The following RSPH1 variants were observed in gnomAD, a reference collection of about 807,000 sequenced individuals.
RSPH1 encodes the protein radial spoke head 1 homolog.
RSPH1 carries 32 observed loss-of-function variants against 44.2 expected under a neutral mutation model. That is an observed-to-expected ratio of 0.72 (90% CI 0.55 to 0.97). RSPH1 has a LOEUF of 0.97. Ranked by LOEUF, RSPH1 falls within the 50% of genes least tolerant of loss-of-function variation. The pLI is 0.00. For missense variants in RSPH1, 391 were observed against 398.7 expected (o/e 0.98, Z 0.16); for synonymous variants, 134 against 147.3 (o/e 0.91, Z 0.65).
chr21:42,472,930 C>T (rs1174378387), intron 8 of RSPH1, 60 bp from the exon 9 acceptor site: 6 of 1,231,884 alleles, frequency 4.9e-6, no homozygotes, highest in Non-Finnish European at 7.0e-6. Flanking sequence ...TTTTTAAAGC[C>T]TTTATTCACT....
intron 7 of RSPH1, 21 bp from the exon 8 acceptor site, chr21:42,476,068 G>A (rs936188292): frequency 6.8e-6 from 11 of 1,613,278 alleles, no homozygotes; most frequent in East Asian, 2.2e-5. Context: ...ACACAAGTCA[G>A]AAGCCTGAGT....
rs553649427 is a variant in RSPH1, at chr21:42,486,525, C to T, written c.275-64G>A. ...AAGGGATCGATGCCCTGTACCATGT[C>T]TTCAAATTGTTAACCATGGCAAAGG... is the stretch of plus-strand genomic sequence containing the variant. On this transcript the variant is annotated intron_variant, in intron 3 of 8. Coordinates refer to ENST00000291536, the MANE Select transcript of RSPH1 (RefSeq NM_080860.4). 15 of 1,177,046 alleles carry T rather than the reference C, an allele frequency of 1.3e-5. No individual in the cohort carries two copies. In the Admixed American group the frequency reaches 2.5e-4, roughly 20 times the overall value. 72.9% of individuals were successfully genotyped at this position (1,177,046 alleles called of 1,614,324 possible). A position where few individuals can be genotyped will look rare whatever the true frequency, so the allele number is the denominator to read the frequency against.
rs2054023988 is a variant in RSPH1, at chr21:42,474,551, C to T, written c.877+1347G>A. Among the ~76,000 whole-genome samples, 1 of 152,278 alleles carries T rather than the reference C, an allele frequency of 6.6e-6. No homozygotes were observed. The highest frequency in any genetic ancestry group is 1.5e-5 in the Non-Finnish European group (1 of 68,046). On this transcript the variant is annotated intron_variant, in intron 8 of 8. Coordinates refer to ENST00000291536, the MANE Select transcript of RSPH1 (RefSeq NM_080860.4). The surrounding 1 kb of genome is among the most constrained non-coding windows in gnomAD (Gnocchi z 5.2). The stretch of plus-strand genomic sequence containing the variant: ...GTGCTCCACAGTGACTAAGGACTGA[C>T]ATCTGTGGGCACAGCTAGATGCTGC...
At chr21:42,495,830 C>T (rs1411420713) in intron 1 of RSPH1, among the ~76,000 whole-genome samples, 1 of 152,160 alleles carries the variant, frequency 6.6e-6, no homozygotes, top group Admixed American at 6.5e-5. Flanking sequence ...GGAATTAACA[C>T]AGGGAGGAGG....
intron 3 of RSPH1, among the ~76,000 whole-genome samples, chr21:42,488,493 C>A (rs1015719991): frequency 6.6e-6 from 1 of 152,330 alleles, no homozygotes; most frequent in Non-Finnish European, 1.5e-5. Context: ...TTCTTCCCAA[C>A]AAAACTTCAT....
chr21:42,476,485 T>C (rs1365196545), intron 7 of RSPH1, among the ~76,000 whole-genome samples: 3 of 152,154 alleles, frequency 2.0e-5, no homozygotes, highest in Admixed American at 2.0e-4. Context: ...CGGAGGCCAA[T>C]CGGAGTTGGC....
chr21:42,481,810 A>G (rs2054130253), intron 6 of RSPH1, among the ~76,000 whole-genome samples: 1 of 152,214 alleles, frequency 6.6e-6, no homozygotes. Flanking sequence ...ACACATACGC[A>G]TCTCGATGCC....
chr21:42,492,727 C>T (rs780394633), intron 3 of RSPH1, 31 bp downstream of exon 3: 2 of 1,326,032 alleles, frequency 1.5e-6, no homozygotes, highest in South Asian at 1.2e-5. Context: ...ACTTCTGTAA[C>T]ACGAAAATCT....
At chr21:42,493,645 A>T (rs1427205356) in intron 1 of RSPH1, among the ~76,000 whole-genome samples, 8 of 152,210 alleles carry the variant, frequency 5.3e-5, no homozygotes, top group Admixed American at 5.2e-4. Flanking sequence ...AGGAGTACAC[A>T]GGGCTCCCTT....
chr21:42,477,515 G>C (rs1048554168), intron 6 of RSPH1, 71 bp from the exon 7 acceptor site: 2 of 1,524,608 alleles, frequency 1.3e-6, no homozygotes, highest in African/African-American at 2.7e-5. Flanking sequence ...AAAAGTGAGG[G>C]AGGAAGGACA....
intron 6 of RSPH1, among the ~76,000 whole-genome samples, chr21:42,480,460 G>C (rs1368065078): frequency 6.6e-6 from 1 of 152,016 alleles, no homozygotes; most frequent in South Asian, 2.1e-4. Context: ...GACCAATATG[G>C]AGAAACCCCG....
rs998318244 is a variant in RSPH1, at chr21:42,472,798, T to G, written c.*20A>C. The G allele has an allele frequency of 2.1e-5, 34 of 1,587,374 alleles. No homozygotes were observed. The highest frequency in any genetic ancestry group is 2.6e-5 in the Non-Finnish European group (30 of 1,157,356). Reference sequence around the variant, plus strand: ...ACAGAAGCATTCTTATGATACGATCTCCTCTCGGCTCACTTCATCTTAGTC... The same window carrying G: ...ACAGAAGCATTCTTATGATACGATCGCCTCTCGGCTCACTTCATCTTAGTC... On this transcript the variant is annotated 3_prime_UTR_variant, in exon 9 of 9. Coordinates refer to ENST00000291536, the MANE Select transcript of RSPH1 (RefSeq NM_080860.4).
chr21:42,481,605 C>A (rs1357487705), intron 6 of RSPH1, among the ~76,000 whole-genome samples: 1 of 152,176 alleles, frequency 6.6e-6, no homozygotes, highest in East Asian at 1.9e-4. Context: ...AAAAAACAAA[C>A]AAAAGCGTGA....
In RSPH1 at chr21:42,486,394, A is replaced by C; in HGVS notation, c.342T>G (p.Thr114=). Reference sequence around the variant, plus strand: ...ACCTTTGATGAGCAAACCACTCTCCAGTGTAGGTGTCATTATTGATGTAGT... The same window carrying C: ...ACCTTTGATGAGCAAACCACTCTCCCGTGTAGGTGTCATTATTGATGTAGT... ...VYYYINNDTY[T]GEWFAHQRHG... Residue 114 remains threonine, a synonymous_variant, in exon 4 of 9, where the codon ACT becomes ACG. Coordinates refer to ENST00000291536, the MANE Select transcript of RSPH1 (RefSeq NM_080860.4). The C allele has an allele frequency of 6.2e-7, 1 of 1,613,890 alleles. No individual in the cohort carries two copies. Among genetic ancestry groups the C allele is most frequent in the Non-Finnish European group, 8.5e-7 (1 of 1,179,738 alleles).
chr21:42,494,144 A>G (rs1486771948), intron 1 of RSPH1, among the ~76,000 whole-genome samples: 6 of 152,228 alleles, frequency 3.9e-5, no homozygotes, highest in African/African-American at 7.2e-5. Context: ...CACCTAATAC[A>G]TGGGTATAGA....
Position 42,474,611 on chromosome 21 carries a change from A to C in RSPH1, c.877+1287T>G, listed in dbSNP as rs989148715. 1.3e-5 allele frequency among the ~76,000 whole-genome samples: 2 copies of C among 152,176 alleles called. No homozygotes were observed. The highest frequency in any genetic ancestry group is 4.1e-4 in the South Asian group (2 of 4,830). On this transcript the variant is annotated intron_variant, in intron 8 of 8. Coordinates refer to ENST00000291536, the MANE Select transcript of RSPH1 (RefSeq NM_080860.4). The surrounding 1 kb of genome is among the most constrained non-coding windows in gnomAD (Gnocchi z 5.2). ...GTGCATACTCTAGCCACTCAGTCCT[A>C]ACAGAATCCTGTGGACTCCCTACCT...
rs61758127 is a variant in RSPH1 at position 42,485,699 on chromosome 21, G to A, written c.471C>T (p.His157=). 2 of 1,614,234 alleles carry A rather than the reference G, an allele frequency of 1.2e-6. No homozygotes were observed. Among genetic ancestry groups the A allele is most frequent in the South Asian group, 2.2e-5 (2 of 91,086 alleles). Residue 157 remains histidine (H), a synonymous_variant, in exon 5 of 9, where the codon CAC becomes CAT. Coordinates refer to ENST00000291536, the MANE Select transcript of RSPH1 (RefSeq NM_080860.4). ...TGTTCAAGAACTTGCCCTGGTACCT[G>A]TGGTTCAGGTGAATGAGCTCGGCCG... ...EGTAELIHLN[H]RYQGKFLNKN...
intron 3 of RSPH1, among the ~76,000 whole-genome samples, chr21:42,488,291 G>A (rs1353156481): frequency 6.6e-6 from 1 of 152,144 alleles, no homozygotes; most frequent in Non-Finnish European, 1.5e-5. Context: ...GGGTCTTAAG[G>A]GGCAGTGATG....
intron 3 of RSPH1, among the ~76,000 whole-genome samples, 155 bp from the exon 4 acceptor site, chr21:42,486,616 A>G (rs1257218034): frequency 6.6e-6 from 1 of 152,234 alleles, no homozygotes; most frequent in Non-Finnish European, 1.5e-5. Context: ...GAAATCCTGC[A>G]GAAGAGAGAT....
Sources: allele counts gnomAD v4.1 joint callset (sites outside exome capture counted in the v4.1 genomes callset), GRCh38; gene constraint gnomAD v4.1.1; non-coding constraint Gnocchi (gnomAD v3.1); transcripts MANE v1.5; gene names NCBI Gene and HGNC (gene_info 2026-07-23, HGNC 2026-07-21).